The following SPTBN4 variants were observed in gnomAD, a reference collection of about 807,000 sequenced individuals.
SPTBN4 encodes spectrin beta, non-erythrocytic 4.
SPTBN4 carries 96 observed loss-of-function variants against 277.8 expected under a neutral mutation model. The ratio of observed to expected loss-of-function variants is 0.35; its 90% confidence interval spans 0.29 to 0.41. The LOEUF is 0.41. Ranked by LOEUF, SPTBN4 falls within the 10% of genes least tolerant of loss-of-function variation. The pLI, the probability that SPTBN4 is intolerant of heterozygous loss-of-function variation, is 1.00. For missense variants in SPTBN4, 3,006 were observed against 3,595.7 expected (o/e 0.84, Z 4.19); for synonymous variants, 1,481 against 1,580.3 (o/e 0.94, Z 1.49).
Position 40,520,111 on chromosome 19 carries a change from TGCGGGATCTAC to T in SPTBN4, c.3617_3627del (p.Arg1206ProfsTer8). The T allele has an allele frequency of 6.8e-7, 1 of 1,468,710 alleles. No homozygotes were observed. The highest frequency in any genetic ancestry group is 9.0e-7 in the Non-Finnish European group (1 of 1,111,904). 91.0% of individuals were successfully genotyped at this position (1,468,710 alleles called of 1,614,324 possible). On this transcript the variant is annotated frameshift_variant, in exon 16 of 36. Transcript: ENST00000598249. LOFTEE classifies it high-confidence loss of function. ...CAGGCGCACATCTACCAGCTCTTCC[TGCGGGATCTAC>T]GCCAGGCGCTCGTGGTGCTGCGTAA...
chr19:40,519,956 C>G lies in SPTBN4; in HGVS notation c.3459C>G (p.Ser1153Arg). 1 of 1,539,974 alleles carries G rather than the reference C, an allele frequency of 6.5e-7. No homozygotes were observed. The highest frequency in any genetic ancestry group is 2.4e-5 in the East Asian group (1 of 41,062). Residue 1153 changes from serine to arginine, a missense_variant, in exon 16 of 36, where the codon AGC (serine) becomes AGG (arginine). This residue lies in a region of SPTBN4 where 1,759 missense variants were observed against 2,061.5 expected (regional missense o/e 0.85). Transcript: ENST00000598249. This position sits in a 1 kb window ranked among gnomAD's most constrained non-coding sequence, Gnocchi z 5.7. ...EEDYARIVAA[S>R]EALLAADGAE... ...ACTATGCTCGCATCGTGGCGGCCAG[C>G]GAGGCGCTGCTGGCCGCCGACGGCG...
At chr19:40,512,174 C>CA (rs1487857425) in intron 13 of SPTBN4, among the ~76,000 whole-genome samples, 3 of 152,204 alleles carry the variant, frequency 2.0e-5, no homozygotes, top group African/African-American at 7.2e-5. Flanking sequence ...TCAGTTCTGA[C>CA]ATAAGCACAA....
At chr19:40,558,336 G>A (rs1462566431) in intron 26 of SPTBN4, among the ~76,000 whole-genome samples, 3 of 149,610 alleles carry the variant, frequency 2.0e-5, no homozygotes, top group South Asian at 2.1e-4. Context: ...CAGCCTGGGC[G>A]ACAGAGTGAG....
chr19:40,523,910 T>G (rs1160033273), intron 17 of SPTBN4, among the ~76,000 whole-genome samples: 2 of 152,128 alleles, frequency 1.3e-5, no homozygotes, highest in Non-Finnish European at 2.9e-5. Context: ...TTCAAGTGAT[T>G]CTCCTGCCTC....
chr19:40,537,421 A>G lies in SPTBN4; in HGVS notation c.4359+3078A>G, dbSNP rs185281785. ...TCAGGTCTCTGAAAAACACTGCTGCATGCTGGAGAGAGAATGAGAATGGTG... is the reference window on the plus strand; with the variant it reads ...TCAGGTCTCTGAAAAACACTGCTGCGTGCTGGAGAGAGAATGAGAATGGTG... On this transcript the variant is annotated intron_variant, in intron 20 of 35. Coordinates refer to ENST00000598249, the MANE Select transcript of SPTBN4 (RefSeq NM_020971.3). 3.9e-3 allele frequency among the ~76,000 whole-genome samples: 598 copies of G among 152,364 alleles called. 5 individuals carry two copies. The highest frequency in any genetic ancestry group is 0.014 in the African/African-American group (569 of 41,584).
chr19:40,488,629 GGTTT>G (rs751151203), intron 3 of SPTBN4, among the ~76,000 whole-genome samples: 40 of 152,086 alleles, frequency 2.6e-4, no homozygotes, highest in South Asian at 6.2e-4. Flanking sequence ...CCGTCTCTAC[GGTTT>G]GTTTGTTTGT....
chr19:40,489,778 G>T (rs533499966), intron 3 of SPTBN4, among the ~76,000 whole-genome samples: 15 of 142,818 alleles, frequency 1.1e-4, no homozygotes, highest in South Asian at 2.1e-4. Flanking sequence ...GGGGCTTCAT[G>T]ATGGGGGCGT....
At chr19:40,561,373 C>G (rs1404491936) in intron 27 of SPTBN4, among the ~76,000 whole-genome samples, 4 of 152,158 alleles carry the variant, frequency 2.6e-5, no homozygotes, top group Non-Finnish European at 5.9e-5. Flanking sequence ...GAATCAGGGA[C>G]ACCTGGCATT....
chr19:40,541,295 G>T (rs2080799162), intron 20 of SPTBN4, among the ~76,000 whole-genome samples: 1 of 152,186 alleles, frequency 6.6e-6, no homozygotes, highest in African/African-American at 2.4e-5. Context: ...AAGCCCAGAG[G>T]AGACAAGGGA....
In SPTBN4 at chr19:40,549,228, G is replaced by C; in HGVS notation, c.4399G>C (p.Gly1467Arg). 6.5e-7 allele frequency: 1 copy of C among 1,548,630 alleles called. No homozygotes were observed. The change falls in exon 21 of 36, where the codon GGA becomes CGA. Residue 1467 changes from glycine (G) to arginine (R), a missense_variant. Physicochemically the swap from Gly to Arg is moderately radical, Grantham distance 125 (BLOSUM62 -2). Coordinates refer to ENST00000598249, the MANE Select transcript of SPTBN4 (RefSeq NM_020971.3). Reference protein sequence around the residue: ...SQVEEWYREVGELQAQTAALP... With the variant: ...SQVEEWYREVRELQAQTAALP... ...GGTGGAGGAGTGGTACCGCGAGGTG[G>C]GAGAGCTGCAGGCGCAGACGGCGGC...
chr19:40,550,036 T>C (rs2080899772), intron 21 of SPTBN4, among the ~76,000 whole-genome samples: 2 of 151,160 alleles, frequency 1.3e-5, no homozygotes, highest in Non-Finnish European at 2.9e-5. Flanking sequence ...CATGGGAGGC[T>C]GAGGTAGGAG....
chr19:40,534,439 T>C, intron 20 of SPTBN4, 96 bp downstream of exon 20: 1 of 1,413,424 alleles, frequency 7.1e-7, no homozygotes, highest in Non-Finnish European at 9.5e-7. Context: ...GGAGGGGATT[T>C]AATACAGGGA....
Position 40,504,143 on chromosome 19 carries a change from G to GAT in SPTBN4, c.1665+11_1665+12insAT. On this transcript the variant is annotated intron_variant, in intron 12 of 35. Coordinates refer to ENST00000598249, the MANE Select transcript of SPTBN4 (RefSeq NM_020971.3). ...ATGGAGGAGATGCAGGTGCCGGCGG[G>GAT]GGGGCGGGGATGCGGGTGGAGTGCC... The GAT allele has an allele frequency of 7.9e-7, 1 of 1,268,498 alleles. No homozygotes were observed. The highest frequency in any genetic ancestry group is 1.3e-5 in the South Asian group (1 of 79,592). The allele number at this position is 1,268,498 out of a possible 1,614,324, so 78.6% of individuals were successfully genotyped here.
At chr19:40,483,162 C>G (rs1187618475) in intron 2 of SPTBN4, among the ~76,000 whole-genome samples, 1 of 151,942 alleles carries the variant, frequency 6.6e-6, no homozygotes, top group Non-Finnish European at 1.5e-5. Context: ...GGGGAGATGA[C>G]CTCGAGAAGT....
chr19:40,472,908 A>C (rs1262674104), intron 2 of SPTBN4, 118 bp downstream of exon 2: 1 of 1,041,120 alleles, frequency 9.6e-7, no homozygotes, highest in Non-Finnish European at 1.4e-6. Flanking sequence ...AGAACTTTCC[A>C]TGATGGTGGA....
chr19:40,497,019 G>T (rs565674866), intron 6 of SPTBN4, among the ~76,000 whole-genome samples: 1 of 147,270 alleles, frequency 6.8e-6, no homozygotes, highest in South Asian at 2.1e-4. Flanking sequence ...GTTGCAGTGA[G>T]CTGGGATCGC....
Position 40,497,579 on chromosome 19 carries a change from G to C in SPTBN4, c.759G>C (p.Gly253=), listed in dbSNP as rs1313449118. 6.2e-7 allele frequency: 1 copy of C among 1,613,748 alleles called. No homozygotes were observed. Among genetic ancestry groups the C allele is most frequent in the African/African-American group, 1.3e-5 (1 of 74,906 alleles). ...TCCGCACAGCTGAGCAGCACCTGGG[G>C]CTGGCGCGGCTGCTGGATCCTGAAG... The part of the protein sequence containing the change: ...RAFRTAEQHL[G]LARLLDPEDV... Residue 253 remains glycine, a synonymous_variant, in exon 7 of 36, where the codon GGG becomes GGC. Transcript: ENST00000598249.
At chr19:40,489,246 AATAG>A (rs1200956207) in intron 3 of SPTBN4, among the ~76,000 whole-genome samples, 2 of 151,408 alleles carry the variant, frequency 1.3e-5, no homozygotes, top group Non-Finnish European at 2.9e-5. Context: ...GAAAAAAAAG[AATAG>A]ATAGGAACCA....
At position 40,575,551 on chromosome 19, in the gene SPTBN4, C is replaced by T. The variant is rs200289968; in HGVS notation, c.7677C>T (p.Ala2559=). ...AGAGGGAAGGCGGAGATCGCAGGGC[C>T]AGCGGGCGCAGGAAGTGACTTCCCA... ...NPKREGGDRR[A]SGRRK is the part of the protein sequence containing the mutation. Residue 2559 remains alanine (A), a synonymous_variant, in exon 36 of 36, where the codon GCC becomes GCT. Transcript: ENST00000598249. The T allele has an allele frequency of 5.0e-6, 8 of 1,610,934 alleles. 1 individual carries two copies. The East Asian group carries it at 1.8e-4, about 36-fold the overall frequency.
Sources: allele counts gnomAD v4.1 joint callset (sites outside exome capture counted in the v4.1 genomes callset), GRCh38; gene constraint gnomAD v4.1.1; regional missense constraint gnomAD v4.1.1; non-coding constraint Gnocchi (gnomAD v3.1); transcripts MANE v1.5; gene names NCBI Gene and HGNC (gene_info 2026-07-23, HGNC 2026-07-21).